The following KANSL1 variants were observed in gnomAD, a reference collection of about 807,000 sequenced individuals.
KANSL1 encodes the protein MLL1/MLL complex subunit KANSL1.
A neutral mutation model predicts 103.6 loss-of-function variants in KANSL1; 22 were observed. That is an observed-to-expected ratio of 0.21 (90% CI 0.15 to 0.30). The LOEUF (loss-of-function observed/expected upper bound fraction) is 0.30. Among genes scored for constraint, KANSL1 ranks in the 10% least tolerant of loss-of-function variants. The probability of loss-of-function intolerance (pLI) is 1.00; values close to 1 mark genes in which losing one functional copy is unlikely to be tolerated. For synonymous variants in KANSL1, 600 were observed against 527.6 expected (o/e 1.14, Z -1.88); for missense variants, 1,337 against 1,399.8 (o/e 0.96, Z 0.72).
chr17:46,177,770 C>T (rs532080211), intron 1 of KANSL1, among the ~76,000 whole-genome samples: 1 of 151,466 alleles, frequency 6.6e-6, no homozygotes, highest in African/African-American at 2.4e-5. Context: ...AACAAAATCA[C>T]AGTAACATTC....
At chr17:46,058,565 T>A (rs1018296217) in intron 6 of KANSL1, among the ~76,000 whole-genome samples, 1 of 152,206 alleles carries the variant, frequency 6.6e-6, no homozygotes, top group African/African-American at 2.4e-5. Context: ...AAGAAAATAC[T>A]ACTATAGGGA....
intron 2 of KANSL1, among the ~76,000 whole-genome samples, chr17:46,164,579 T>C (rs531775273): frequency 1.4e-4 from 21 of 152,252 alleles, no homozygotes; most frequent in Non-Finnish European, 2.5e-4. Context: ...TTTAATGGAC[T>C]ATGAAAAGTA....
Position 46,082,475 on chromosome 17 carries a change from G to A in KANSL1, c.1499C>T (p.Ser500Phe). ...AGTCCCATGATCTGTCTTCACCTCA[G>A]AACTAAGTGGAAGAAATAAGTCTGT... ...HTTDLFLPLSSEVKTDHGTDK... is the reference protein window; with the variant it reads ...HTTDLFLPLSFEVKTDHGTDK... The change falls in exon 4 of 15, where the codon TCT becomes TTT. Residue 500 changes from serine (S) to phenylalanine (F), a missense_variant. Ser to Phe is a radical substitution (Grantham distance 155). Around this residue, in one of 2 missense-constraint regions of KANSL1, gnomAD observed 780 missense variants for 923.4 expected, o/e 0.84. Transcript: ENST00000432791. 6.2e-7 allele frequency: 1 copy of A among 1,612,020 alleles called. No homozygotes were observed. The highest frequency in any genetic ancestry group is 8.5e-7 in the Non-Finnish European group (1 of 1,178,410).
chr17:46,130,306 C>T (rs1478207009), intron 2 of KANSL1, among the ~76,000 whole-genome samples: 1 of 151,962 alleles, frequency 6.6e-6, no homozygotes, highest in Non-Finnish European at 1.5e-5. Context: ...GGGATTTTCC[C>T]TTTAAGTGTT....
At chr17:46,087,980 C>T (rs566474976) in intron 3 of KANSL1, among the ~76,000 whole-genome samples, 1 of 152,288 alleles carries the variant, frequency 6.6e-6, no homozygotes, top group South Asian at 2.1e-4. Context: ...AGCCTGGTGG[C>T]AATAAACTTA....
At chr17:46,094,098 T>C (rs2079522512) in intron 3 of KANSL1, 1 of 163,236 alleles carries the variant, frequency 6.1e-6, no homozygotes, top group African/African-American at 2.4e-5. Context: ...TATATTCTAA[T>C]AGTGTTTTCC....
At chr17:46,125,788 T>C (rs1328846136) in intron 2 of KANSL1, among the ~76,000 whole-genome samples, 2 of 152,212 alleles carry the variant, frequency 1.3e-5, no homozygotes, top group African/African-American at 2.4e-5. Context: ...CTACCATCAT[T>C]GTTGTCCATT....
intron 2 of KANSL1, among the ~76,000 whole-genome samples, chr17:46,118,416 G>C (rs1598665851): frequency 6.6e-6 from 1 of 152,188 alleles, no homozygotes; most frequent in African/African-American, 2.4e-5. Flanking sequence ...TGAAAGCTTG[G>C]TTCATTTACA....
intron 1 of KANSL1, among the ~76,000 whole-genome samples, chr17:46,181,620 T>C (rs2046798510): frequency 6.6e-6 from 1 of 152,152 alleles, no homozygotes; most frequent in Admixed American, 6.5e-5. Flanking sequence ...TTAGTAGAGA[T>C]GGGGTTTCAC....
chr17:46,059,639 AAAAAAAAAAGAG>A (rs2078078467), intron 6 of KANSL1, among the ~76,000 whole-genome samples: 1 of 35,416 alleles, frequency 2.8e-5, no homozygotes, highest in Non-Finnish European at 7.1e-5. Context: ...AAAAAAAAAA[AAAAAAAAAAGAG>A]AGAGAGAGAG....
chr17:46,182,212 T>C (rs1319663950), intron 1 of KANSL1, among the ~76,000 whole-genome samples: 1 of 152,154 alleles, frequency 6.6e-6, no homozygotes, highest in Non-Finnish European at 1.5e-5. Flanking sequence ...TGTAAGATTT[T>C]ACTAAGAAGA....
intron 2 of KANSL1, among the ~76,000 whole-genome samples, chr17:46,165,788 G>C (rs548937346): frequency 6.6e-6 from 1 of 152,044 alleles, no homozygotes; most frequent in Non-Finnish European, 1.5e-5. Flanking sequence ...TGGGATTACA[G>C]ACATGAGCCA....
At chr17:46,188,026 T>C (rs1294938399) in intron 1 of KANSL1, among the ~76,000 whole-genome samples, 4 of 152,254 alleles carry the variant, frequency 2.6e-5, no homozygotes, top group Non-Finnish European at 4.4e-5. Flanking sequence ...TCACACCTTT[T>C]GGCTTATTTT....
intron 4 of KANSL1, among the ~76,000 whole-genome samples, chr17:46,073,836 T>C (rs1029700027): frequency 5.3e-5 from 8 of 152,164 alleles, no homozygotes; most frequent in African/African-American, 1.9e-4. Context: ...AGTTAGCAAA[T>C]GTGTTTTTCA....
intron 2 of KANSL1, among the ~76,000 whole-genome samples, chr17:46,134,620 A>G (rs1733968380): frequency 6.6e-6 from 1 of 152,132 alleles, no homozygotes; most frequent in African/African-American, 2.4e-5. Flanking sequence ...CAGGTGGATC[A>G]CTTGAGGTCA....
At chr17:46,213,742 A>G (rs1597982629) in intron 1 of KANSL1, among the ~76,000 whole-genome samples, 1 of 149,344 alleles carries the variant, frequency 6.7e-6, no homozygotes, top group South Asian at 2.2e-4. Context: ...ACATGGTGAA[A>G]CCCTGTCTCT....
At chr17:46,064,882 A>T (rs572244225) in intron 6 of KANSL1, among the ~76,000 whole-genome samples, 8 of 151,346 alleles carry the variant, frequency 5.3e-5, no homozygotes, top group Admixed American at 4.6e-4. Context: ...TAATTAATTA[A>T]TTTTTTATTA....
At chr17:46,212,156 GCTC>G (rs1208366754) in intron 1 of KANSL1, among the ~76,000 whole-genome samples, 1 of 151,988 alleles carries the variant, frequency 6.6e-6, no homozygotes, top group South Asian at 2.1e-4. Context: ...CACTTAGAAT[GCTC>G]CTTATATAGC....
At chr17:46,190,056 A>G (rs544187187) in intron 1 of KANSL1, among the ~76,000 whole-genome samples, 3 of 152,372 alleles carry the variant, frequency 2.0e-5, no homozygotes, top group Admixed American at 2.0e-4. Flanking sequence ...AAATCAGGTC[A>G]TAACGAACAG....
Sources: allele counts gnomAD v4.1 joint callset (sites outside exome capture counted in the v4.1 genomes callset), GRCh38; gene constraint gnomAD v4.1.1; regional missense constraint gnomAD v4.1.1; transcripts MANE v1.5; gene names NCBI Gene and HGNC (gene_info 2026-07-23, HGNC 2026-07-21).